The following ANXA4 variants were observed in gnomAD, a reference collection of about 807,000 sequenced individuals.
ANXA4 encodes annexin A4.
A neutral mutation model predicts 49.8 loss-of-function variants in ANXA4; 39 were observed. The ratio of observed to expected loss-of-function variants is 0.78; its 90% confidence interval spans 0.61 to 1.02. The LOEUF is 1.02. ANXA4 is among the 50% of genes least tolerant of loss of function. ANXA4 has a pLI of 0.00. For missense variants in ANXA4, 360 were observed against 410.1 expected (o/e 0.88, Z 1.05); for synonymous variants, 134 against 152.5 (o/e 0.88, Z 0.89).
At chr2:69,753,911 A>G (rs1670949113) in intron 1 of ANXA4, among the ~76,000 whole-genome samples, 1 of 152,230 alleles carries the variant, frequency 6.6e-6, no homozygotes, top group South Asian at 2.1e-4. Flanking sequence ...TTTTATGCCA[A>G]AATAAACCAG....
intron 2 of ANXA4, among the ~76,000 whole-genome samples, chr2:69,698,114 C>T (rs942763968): frequency 6.6e-6 from 1 of 152,108 alleles, no homozygotes; most frequent in Non-Finnish European, 1.5e-5. Context: ...GGCCTGCTTT[C>T]TGGTTCATAG....
chr2:69,644,019 C>A, upstream of ANXA4: 1 of 422,332 alleles, frequency 2.4e-6, no homozygotes, highest in Non-Finnish European at 3.3e-6. Flanking sequence ...GGCTGCTGGA[C>A]TACAAATCCC....
intron 2 of ANXA4, among the ~76,000 whole-genome samples, chr2:69,675,932 G>A (rs1380290849): frequency 2.6e-5 from 4 of 151,388 alleles, no homozygotes; most frequent in Admixed American, 6.6e-5. Flanking sequence ...GTGTGAACCC[G>A]GAAGGCAGAG....
intron 3 of ANXA4, among the ~76,000 whole-genome samples, chr2:69,723,335 G>A (rs1319905042): frequency 6.6e-6 from 1 of 152,112 alleles, no homozygotes; most frequent in Non-Finnish European, 1.5e-5. Flanking sequence ...TGTGCTAAAA[G>A]ATGCCTCCAA....
At chr2:69,765,010 G>A (rs980032773) in intron 1 of ANXA4, among the ~76,000 whole-genome samples, 16 of 152,074 alleles carry the variant, frequency 1.1e-4, no homozygotes, top group African/African-American at 3.9e-4. Flanking sequence ...GCATGTGGCA[G>A]AATTTCCTTC....
intron 4 of ANXA4, among the ~76,000 whole-genome samples, chr2:69,805,938 T>C (rs554674867): frequency 4.7e-4 from 71 of 152,342 alleles, no homozygotes; most frequent in Admixed American, 3.0e-3. Flanking sequence ...GAAAAATAGC[T>C]ATATATCCCA....
rs568576687 is a variant in ANXA4, at chr2:69,787,471, A to G, written c.10-583A>G. On this transcript the variant is annotated intron_variant, in intron 2 of 12. Transcript: ENST00000394295. ...TGACTGCAACCCTTTGGTGTGGTTT[A>G]ACATTCTCCTTTCTCCTGTTTACTG... Among the ~76,000 whole-genome samples, 5 of 152,314 alleles carry G rather than the reference A, an allele frequency of 3.3e-5. No individual in the cohort carries two copies. The South Asian group carries it at 1.0e-3, about 32-fold the overall frequency.
At chr2:69,813,716 C>T (rs1287815080) in intron 8 of ANXA4, among the ~76,000 whole-genome samples, 2 of 150,116 alleles carry the variant, frequency 1.3e-5, no homozygotes, top group African/African-American at 4.9e-5. Context: ...GGATTTGAAC[C>T]AATTGGCATC....
intron 2 of ANXA4, among the ~76,000 whole-genome samples, chr2:69,664,983 A>G (rs1676880951): frequency 6.6e-6 from 1 of 152,098 alleles, no homozygotes; most frequent in Non-Finnish European, 1.5e-5. Flanking sequence ...TGCACCTGTA[A>G]TCCCAGCTAC....
intron 2 of ANXA4, among the ~76,000 whole-genome samples, chr2:69,782,601 C>A (rs1573246275): frequency 1.3e-5 from 2 of 152,330 alleles, no homozygotes; most frequent in South Asian, 4.1e-4. Flanking sequence ...GCGATCCTCC[C>A]ACCTTGGCCT....
chr2:69,654,855 G>T (rs190463669), intron 2 of ANXA4, among the ~76,000 whole-genome samples: 4 of 152,066 alleles, frequency 2.6e-5, no homozygotes, highest in African/African-American at 7.2e-5. Context: ...CAGAACAGAG[G>T]CCTCAGAAAT....
intron 1 of ANXA4, among the ~76,000 whole-genome samples, chr2:69,748,551 T>G (rs1670714057): frequency 6.6e-6 from 1 of 150,948 alleles, no homozygotes; most frequent in African/African-American, 2.4e-5. Context: ...TTATGTTAAC[T>G]TGCATTATTA....
chr2:69,816,049 G>T, intron 8 of ANXA4, 52 bp from the exon 9 acceptor site: 5 of 1,429,948 alleles, frequency 3.5e-6, no homozygotes, highest in Admixed American at 1.7e-5. Context: ...ATTTGCCTGT[G>T]TCCTGGCACA....
At chr2:69,794,768 G>A (rs1672866000) in intron 3 of ANXA4, among the ~76,000 whole-genome samples, 1 of 152,112 alleles carries the variant, frequency 6.6e-6, no homozygotes, top group Admixed American at 6.6e-5. Context: ...GTTTCACCGT[G>A]TTAGCCAGGA....
At chr2:69,796,432 T>C (rs1672948098) in intron 3 of ANXA4, among the ~76,000 whole-genome samples, 1 of 152,212 alleles carries the variant, frequency 6.6e-6, no homozygotes, top group South Asian at 2.1e-4. Flanking sequence ...TAGCCTGTTT[T>C]TGTGGTTTCC....
intron 3 of ANXA4, among the ~76,000 whole-genome samples, chr2:69,790,956 A>G (rs1672667881): frequency 6.6e-6 from 1 of 152,230 alleles, no homozygotes; most frequent in African/African-American, 2.4e-5. Context: ...GTTGTTTGCA[A>G]AACAGACTTC....
At position 69,813,655 on chromosome 2, in the gene ANXA4, A is replaced by G. The variant is rs896533581; in HGVS notation, c.534+946A>G. ...TACAAACAAGGAAACTGAGGCTCAG[A>G]GAGGTCAAGTACCTTGCTCAAGCTC... is the stretch of plus-strand genomic sequence containing the variant. On this transcript the variant is annotated intron_variant, in intron 8 of 12. Transcript: ENST00000394295. 4.0e-4 allele frequency among the ~76,000 whole-genome samples: 61 copies of G among 152,060 alleles called. 3 individuals carry two copies. Among genetic ancestry groups the G allele is most frequent in the Non-Finnish European group, 4.4e-5 (3 of 68,004 alleles).
At chr2:69,756,047 T>C (rs1055540955) in intron 1 of ANXA4, among the ~76,000 whole-genome samples, 2 of 152,226 alleles carry the variant, frequency 1.3e-5, no homozygotes, top group Non-Finnish European at 2.9e-5. Flanking sequence ...ATCACATTAG[T>C]AACTTGAAAT....
At chr2:69,799,903 C>A (rs1558512153) in intron 3 of ANXA4, among the ~76,000 whole-genome samples, 1 of 152,146 alleles carries the variant, frequency 6.6e-6, no homozygotes, top group Non-Finnish European at 1.5e-5. Flanking sequence ...ACAACCGTAG[C>A]AATAATAGAA....
Sources: gnomAD v4.1 joint callset for allele counts (sites outside exome capture counted in the v4.1 genomes callset) on GRCh38, gnomAD v4.1.1 for gene constraint, MANE v1.5 for transcripts, NCBI Gene and HGNC (gene_info 2026-07-23, HGNC 2026-07-21) for gene names.